ANTXR1: variants seen among roughly 807,000 people sequenced by gnomAD.
ANTXR1 encodes the protein ANTXR cell adhesion molecule 1.
In ANTXR1, 19 loss-of-function variants were observed where a neutral mutation model predicts 78.1. The observed-to-expected ratio is 0.24, with a 90% CI of 0.17 to 0.36. ANTXR1 has a LOEUF of 0.36. ANTXR1 is among the 10% of genes least tolerant of loss of function. The pLI is 1.00. For missense variants in ANTXR1, 518 were observed against 718.6 expected, an observed-to-expected ratio of 0.72 and a Z score of 3.19; for synonymous variants, 273 against 260.5, an observed-to-expected ratio of 1.05 and a Z score of -0.46.
At chr2:69,050,019 C>A (rs1222824698) in intron 3 of ANTXR1, among the ~76,000 whole-genome samples, 5 of 152,058 alleles carry the variant, frequency 3.3e-5, no homozygotes, top group African/African-American at 9.7e-5. Flanking sequence ...ATGGGCCTGG[C>A]ACAATGGCTC....
intron 12 of ANTXR1, among the ~76,000 whole-genome samples, chr2:69,129,342 A>C (rs759907134): frequency 6.6e-6 from 1 of 152,230 alleles, no homozygotes; most frequent in Non-Finnish European, 1.5e-5. Flanking sequence ...TCCCACCCAA[A>C]GTGTCCAAAA....
chr2:69,080,330 C>G (rs1007289780), intron 8 of ANTXR1, among the ~76,000 whole-genome samples: 1 of 152,138 alleles, frequency 6.6e-6, no homozygotes, highest in Admixed American at 6.5e-5. Flanking sequence ...CAATTTCCCC[C>G]CCATCTGAAG....
intron 17 of ANTXR1, among the ~76,000 whole-genome samples, chr2:69,218,687 C>A (rs181936000): frequency 6.6e-6 from 1 of 152,218 alleles, no homozygotes; most frequent in East Asian, 1.9e-4. Flanking sequence ...TAACACTAAC[C>A]AACTTGAAAA....
At chr2:69,207,387 A>G (rs1674931422) in intron 17 of ANTXR1, among the ~76,000 whole-genome samples, 1 of 152,180 alleles carries the variant, frequency 6.6e-6, no homozygotes. Flanking sequence ...AGCTTTCCAT[A>G]AGGCTTCCCC....
At chr2:69,058,076 G>A (rs1480886679) in intron 3 of ANTXR1, among the ~76,000 whole-genome samples, 2 of 152,206 alleles carry the variant, frequency 1.3e-5, no homozygotes, top group Non-Finnish European at 2.9e-5. Context: ...GTTAGCAGAT[G>A]TGGGCTCATG....
At chr2:69,175,325 G>C (rs1674091108) in intron 14 of ANTXR1, among the ~76,000 whole-genome samples, 1 of 152,102 alleles carries the variant, frequency 6.6e-6, no homozygotes, top group East Asian at 1.9e-4. Context: ...GAATATATCT[G>C]GGAGCTTGGT....
chr2:69,103,004 C>T lies in ANTXR1; in HGVS notation c.802+64C>T, dbSNP rs752475128. ...GGCTTCAAGGAAGGGAATTCCCACC[C>T]TTGTCTTCCAGCAAGGCCACACACA... is the stretch of plus-strand genomic sequence containing the variant. On this transcript the variant is annotated intron_variant, in intron 10 of 17. Transcript: ENST00000303714. 29 of 1,488,162 alleles carry T rather than the reference C, an allele frequency of 1.9e-5. 1 individual carries two copies. Among genetic ancestry groups the T allele is most frequent in the Admixed American group, 3.3e-5 (2 of 59,810 alleles). The allele number at this position is 1,488,162 out of a possible 1,614,324, so 92.2% of individuals were successfully genotyped here. A position where few individuals can be genotyped will look rare whatever the true frequency, so the allele number is the denominator to read the frequency against.
intron 12 of ANTXR1, among the ~76,000 whole-genome samples, chr2:69,126,858 A>G (rs1278511140): frequency 6.6e-6 from 1 of 152,240 alleles, no homozygotes; most frequent in African/African-American, 2.4e-5. Flanking sequence ...ACATGCCACT[A>G]AATCTTCTCT....
At chr2:69,237,701 A>G (rs149512256) in intron 17 of ANTXR1, among the ~76,000 whole-genome samples, 2,671 of 152,334 alleles carry the variant, frequency 0.018, 33 homozygotes, top group Non-Finnish European at 0.027. Flanking sequence ...GATTACAGGC[A>G]TGAGCCACCT....
intron 13 of ANTXR1, among the ~76,000 whole-genome samples, chr2:69,169,432 G>A (rs942774960): frequency 6.6e-6 from 1 of 152,246 alleles, no homozygotes; most frequent in African/African-American, 2.4e-5. Flanking sequence ...ATTTAACGGT[G>A]AGGGCTTTCC....
intron 14 of ANTXR1, among the ~76,000 whole-genome samples, chr2:69,177,121 T>C (rs1674143579): frequency 1.3e-5 from 2 of 152,168 alleles, no homozygotes; most frequent in Non-Finnish European, 2.9e-5. Context: ...GTTAAACGTG[T>C]TGAGTGAGTG....
intron 13 of ANTXR1, among the ~76,000 whole-genome samples, chr2:69,160,352 T>A (rs1036994215): frequency 1.3e-4 from 20 of 152,156 alleles, no homozygotes; most frequent in Admixed American, 6.5e-5. Context: ...CAAAGTCGAC[T>A]GGGTTTCAAT....
chr2:69,079,778 G>A (rs1297159692), intron 8 of ANTXR1, among the ~76,000 whole-genome samples: 2 of 152,182 alleles, frequency 1.3e-5, no homozygotes, highest in Non-Finnish European at 2.9e-5. Flanking sequence ...GCCTTAAGAT[G>A]GCTAGATTCT....
chr2:69,085,969 CATCTT>C (rs1671037180), intron 8 of ANTXR1, among the ~76,000 whole-genome samples: 1 of 152,336 alleles, frequency 6.6e-6, no homozygotes, highest in Non-Finnish European at 1.5e-5. Flanking sequence ...AAACCCCATA[CATCTT>C]TAAACCAGAA....
chr2:69,030,123 T>A (rs189434611), intron 1 of ANTXR1, among the ~76,000 whole-genome samples: 18 of 152,306 alleles, frequency 1.2e-4, no homozygotes, highest in African/African-American at 4.1e-4. Flanking sequence ...GGTGATTTTT[T>A]AAAATCCCTT....
chr2:69,072,530 A>G (rs1489698758), intron 5 of ANTXR1, among the ~76,000 whole-genome samples: 5 of 152,236 alleles, frequency 3.3e-5, no homozygotes, highest in African/African-American at 1.2e-4. Context: ...AAATAATTCT[A>G]GTAGGTTTTG....
In ANTXR1 at chr2:69,230,024, C is replaced by G. The variant is rs1345204809; in HGVS notation, c.1435-15201C>G. On this transcript the variant is annotated intron_variant, in intron 17 of 17. Transcript: ENST00000303714. ...TAATGTTTTCAACTTTCTCTACCAC[C>G]TCTAAAGTATACTACCCAGGGTATC... is the stretch of plus-strand genomic sequence containing the variant. Among the ~76,000 whole-genome samples the G allele has an allele frequency of 2.0e-5, 3 of 152,168 alleles. No individual in the cohort carries two copies. The East Asian group carries it at 5.8e-4, about 29-fold the overall frequency.
intron 13 of ANTXR1, among the ~76,000 whole-genome samples, chr2:69,167,515 G>T (rs972085114): frequency 6.6e-6 from 1 of 152,188 alleles, no homozygotes; most frequent in Non-Finnish European, 1.5e-5. Context: ...GCCCACTCAC[G>T]GACAGCCTAT....
intron 17 of ANTXR1, among the ~76,000 whole-genome samples, chr2:69,207,350 A>T (rs1014053117): frequency 2.6e-5 from 4 of 152,304 alleles, no homozygotes; most frequent in Middle Eastern, 3.4e-3. Context: ...AAACCATGGC[A>T]CAAACTGTTC....
Sources: allele counts gnomAD v4.1 joint callset (sites outside exome capture counted in the v4.1 genomes callset), GRCh38; gene constraint gnomAD v4.1.1; transcripts MANE v1.5; gene names NCBI Gene and HGNC (gene_info 2026-07-23, HGNC 2026-07-21).